Variants in SMARCC1 observed in about 807,000 individuals in gnomAD.
The protein encoded by SMARCC1 is SWI/SNF related BAF chromatin remodeling complex subunit C1.
SMARCC1 carries 43 observed loss-of-function variants against 147.4 expected under a neutral mutation model. That is an observed-to-expected ratio of 0.29 (90% CI 0.23 to 0.38). SMARCC1 has a LOEUF of 0.38. Ranked by LOEUF, SMARCC1 falls within the 10% of genes least tolerant of loss-of-function variation. SMARCC1 has a pLI of 1.00. For missense variants in SMARCC1, 1,119 were observed against 1,381.1 expected (o/e 0.81, Z 3.01); for synonymous variants, 495 against 484.4 (o/e 1.02, Z -0.29).
At chr3:47,747,485 A>ATATAAATATAAATATAAATATAAATAT (rs71070221) in intron 2 of SMARCC1, among the ~76,000 whole-genome samples, 2 of 149,374 alleles carry the variant, frequency 1.3e-5, no homozygotes, top group Non-Finnish European at 3.0e-5. Context: ...ATAAATATAA[A>ATATAAATATAAATATAAATATAAATAT]AATTAGCCAG....
In SMARCC1 at chr3:47,746,030, GCT is replaced by G. The variant is rs757947368; in HGVS notation, c.316-39_316-38del. On this transcript the variant is annotated intron_variant, in intron 2 of 27. Transcript: ENST00000254480. The stretch of plus-strand genomic sequence containing the variant: ...ACAAATTACACATGAGAAAAATAAA[GCT>G]TCTGACAAAATTACTCATGTCTTAA... 2.2e-6 allele frequency: 3 copies of G among 1,349,130 alleles called. No individual in the cohort carries two copies. The South Asian group carries it at 4.1e-5, about 19-fold the overall frequency. The allele number at this position is 1,349,130 out of a possible 1,614,324, so 83.6% of individuals were successfully genotyped here. A position where few individuals can be genotyped will look rare whatever the true frequency, so the allele number is the denominator to read the frequency against.
chr3:47,650,298 A>T (rs7628199), intron 21 of SMARCC1, among the ~76,000 whole-genome samples: 16,090 of 140,808 alleles, frequency 0.11, 989 homozygotes, highest in South Asian at 0.17. Context: ...TAATAATAAT[A>T]ATTATTATTA....
rs2032097708 is a variant in SMARCC1, at chr3:47,587,840, A to T, written c.*369T>A. The stretch of plus-strand genomic sequence containing the variant: ...ATAATGATTATATAGCATTATCCAT[A>T]GAAGCATAAGACAAAGCAAAAAACT... On this transcript the variant is annotated 3_prime_UTR_variant, in exon 28 of 28. Coordinates refer to ENST00000254480, the MANE Select transcript of SMARCC1 (RefSeq NM_003074.4). 4.6e-6 allele frequency: 1 copy of T among 219,466 alleles called. No homozygotes were observed. The highest frequency in any genetic ancestry group is 2.4e-5 in the African/African-American group (1 of 42,524). The allele number at this position is 219,466 out of a possible 1,614,324, so 13.6% of individuals were successfully genotyped here. A position where few individuals can be genotyped will look rare whatever the true frequency, so the allele number is the denominator to read the frequency against.
chr3:47,633,658 C>T (rs2032921757), intron 24 of SMARCC1, among the ~76,000 whole-genome samples: 3 of 145,460 alleles, frequency 2.1e-5, no homozygotes, highest in African/African-American at 7.6e-5. Flanking sequence ...ACAGGAGAAT[C>T]GCTGGAACCC....
At chr3:47,696,532 T>C (rs1167004936) in intron 11 of SMARCC1, among the ~76,000 whole-genome samples, 1 of 152,030 alleles carries the variant, frequency 6.6e-6, no homozygotes, top group Non-Finnish European at 1.5e-5. Context: ...ATTTTTTTTT[T>C]TTTTTGAAAC....
chr3:47,594,115 A>G (rs1376475119), intron 26 of SMARCC1, among the ~76,000 whole-genome samples: 4 of 151,942 alleles, frequency 2.6e-5, no homozygotes, highest in African/African-American at 9.7e-5. Context: ...CAGTGAGCCA[A>G]GATTGCACCA....
intron 10 of SMARCC1, among the ~76,000 whole-genome samples, chr3:47,704,706 C>T (rs1201531196): frequency 1.3e-5 from 2 of 151,526 alleles, no homozygotes; most frequent in African/African-American, 4.8e-5. Flanking sequence ...TGCTTGAGAC[C>T]AGGAGTTGGA....
chr3:47,643,136 G>A (rs2033071084), intron 21 of SMARCC1, among the ~76,000 whole-genome samples: 1 of 152,202 alleles, frequency 6.6e-6, no homozygotes, highest in Admixed American at 6.5e-5. Context: ...TGAGCAAGAA[G>A]TGTTCAAAGT....
At chr3:47,683,673 G>A (rs927103434) in intron 14 of SMARCC1, among the ~76,000 whole-genome samples, 3 of 150,958 alleles carry the variant, frequency 2.0e-5, no homozygotes, top group Admixed American at 6.6e-5. Flanking sequence ...GTGGTGAGCC[G>A]AGATTGCGCC....
chr3:47,647,220 T>C (rs1246178880), intron 21 of SMARCC1, among the ~76,000 whole-genome samples: 2 of 152,234 alleles, frequency 1.3e-5, no homozygotes, highest in Admixed American at 6.5e-5. Flanking sequence ...ATTTGACTCA[T>C]GGTGTTTCAG....
chr3:47,776,418 A>G (rs2034976040), intron 1 of SMARCC1, among the ~76,000 whole-genome samples: 1 of 152,152 alleles, frequency 6.6e-6, no homozygotes, highest in South Asian at 2.1e-4. Context: ...CCTGGCCAAC[A>G]TGGCCAAACT....
At chr3:47,656,222 C>T (rs1053908092) in intron 21 of SMARCC1, among the ~76,000 whole-genome samples, 1 of 152,056 alleles carries the variant, frequency 6.6e-6, no homozygotes, top group Admixed American at 6.6e-5. Flanking sequence ...AAAAAAAAGC[C>T]TCTTATGTAA....
At chr3:47,609,994 G>T in intron 26 of SMARCC1, 72 bp downstream of exon 26, 1 of 1,507,484 alleles carries the variant, frequency 6.6e-7, no homozygotes. Flanking sequence ...CAACTGTGTG[G>T]TTGGCCCCAA....
At chr3:47,741,331 T>C (rs1456823659) in intron 3 of SMARCC1, among the ~76,000 whole-genome samples, 1 of 117,610 alleles carries the variant, frequency 8.5e-6, no homozygotes, top group African/African-American at 2.8e-5. Flanking sequence ...AAATCATTTA[T>C]GAGATAAGGG....
intron 21 of SMARCC1, among the ~76,000 whole-genome samples, chr3:47,644,631 C>T (rs571168755): frequency 6.6e-6 from 1 of 152,226 alleles, no homozygotes; most frequent in South Asian, 2.1e-4. Context: ...CCTCAGCCTC[C>T]TGAGTAGCTG....
rs373696399 is a variant in SMARCC1, at chr3:47,770,188, A to T, written c.315+2629T>A. ...ACTTGCAGTGAGCTGAGATTGTACCACTGCACTCTAGCCTGGGTGACAGAG... is the reference window on the plus strand; with the variant it reads ...ACTTGCAGTGAGCTGAGATTGTACCTCTGCACTCTAGCCTGGGTGACAGAG... On this transcript the variant is annotated intron_variant, in intron 2 of 27. Coordinates refer to ENST00000254480, the MANE Select transcript of SMARCC1 (RefSeq NM_003074.4). Among the ~76,000 whole-genome samples, 4 of 152,044 alleles carry T rather than the reference A, an allele frequency of 2.6e-5. No individual in the cohort carries two copies. The East Asian group carries it at 7.7e-4, about 29-fold the overall frequency.
At chr3:47,747,637 A>G (rs981487572) in intron 2 of SMARCC1, among the ~76,000 whole-genome samples, 1 of 151,524 alleles carries the variant, frequency 6.6e-6, no homozygotes, top group African/African-American at 2.4e-5. Flanking sequence ...ATCTCAAAAA[A>G]CAAATTTTTT....
At chr3:47,613,699 T>G (rs2032596511) in intron 25 of SMARCC1, among the ~76,000 whole-genome samples, 1 of 152,148 alleles carries the variant, frequency 6.6e-6, no homozygotes, top group Non-Finnish European at 1.5e-5. Context: ...CACACACATA[T>G]GTTTAATAAC....
intron 2 of SMARCC1, among the ~76,000 whole-genome samples, chr3:47,757,641 G>A (rs769270410): frequency 3.3e-5 from 5 of 151,774 alleles, no homozygotes; most frequent in African/African-American, 1.2e-4. Flanking sequence ...AAACTTAGCC[G>A]GGCATGGCAG....
Sources: allele counts gnomAD v4.1 joint callset (sites outside exome capture counted in the v4.1 genomes callset), GRCh38; gene constraint gnomAD v4.1.1; transcripts MANE v1.5; gene names NCBI Gene and HGNC (gene_info 2026-07-23, HGNC 2026-07-21).